COL5A1: variants seen among roughly 807,000 people sequenced by gnomAD.
COL5A1 encodes collagen type V alpha 1 chain, also known as collagen alpha-1(V) chain.
Under a neutral mutation model 263.7 loss-of-function variants are expected in COL5A1, and 16 were observed. The ratio of observed to expected loss-of-function variants is 0.06; its 90% CI spans 0.04 to 0.09. The LOEUF (loss-of-function observed/expected upper bound fraction) is 0.09, where lower values mean the gene tolerates loss of function less well. COL5A1 is among the 10% of genes least tolerant of loss of function. The pLI, the probability that COL5A1 is intolerant of heterozygous loss-of-function variation, is 1.00. For synonymous variants in COL5A1, 1,012 were observed against 1,004.5 expected, an observed-to-expected ratio of 1.01 and a Z score of -0.14; for missense variants, 2,036 against 2,540.5, an observed-to-expected ratio of 0.80 and a Z score of 4.27.
intron 31 of COL5A1, among the ~76,000 whole-genome samples, chr9:134,786,593 A>C (rs151315489): frequency 2.6e-4 from 39 of 152,246 alleles, no homozygotes; most frequent in African/African-American, 9.4e-4. Context: ...TTTGAAGGCT[A>C]TTTGCTCATA....
In COL5A1 at chr9:134,842,602, C is replaced by G; in HGVS notation, c.*299C>G. ...CGGGAGCGGGGCCATGCCTCCAGCC[C>G]CCCAGCTCGCCCGACCCATCCTGTT... On this transcript the variant is annotated 3_prime_UTR_variant, in exon 66 of 66. Coordinates refer to ENST00000371817, the MANE Select transcript of COL5A1 (RefSeq NM_000093.5). The surrounding 1 kb of genome is among the most constrained non-coding windows in gnomAD (Gnocchi z 5.8). 1.9e-6 allele frequency: 1 copy of G among 532,482 alleles called. No individual in the cohort carries two copies. Among genetic ancestry groups the G allele is most frequent in the Non-Finnish European group, 3.4e-6 (1 of 294,804 alleles). 33.0% of individuals were successfully genotyped at this position (532,482 alleles called of 1,614,324 possible). A position where few individuals can be genotyped will look rare whatever the true frequency, so the allele number is the denominator to read the frequency against.
rs556171398 is a variant in COL5A1, at chr9:134,696,535, C to A, written c.278-3374C>A. Among the ~76,000 whole-genome samples, 1 of 152,132 alleles carries A rather than the reference C, an allele frequency of 6.6e-6. No individual in the cohort carries two copies. Among genetic ancestry groups the A allele is most frequent in the South Asian group, 2.1e-4 (1 of 4,822 alleles). ...ATTTCTGTTTGTATCGTGGGAGTATCACTTTCTGAGGTCAGGGACCATATC... is the reference window on the plus strand; with the variant it reads ...ATTTCTGTTTGTATCGTGGGAGTATAACTTTCTGAGGTCAGGGACCATATC... On this transcript the variant is annotated intron_variant, in intron 2 of 65. Coordinates refer to ENST00000371817, the MANE Select transcript of COL5A1 (RefSeq NM_000093.5). The surrounding 1 kb of genome is among the most constrained non-coding windows in gnomAD (Gnocchi z 4.3).
intron 9 of COL5A1, among the ~76,000 whole-genome samples, chr9:134,735,453 A>C (rs997983656): frequency 6.9e-6 from 1 of 144,264 alleles, no homozygotes; most frequent in Non-Finnish European, 1.5e-5. Context: ...GTCAATTTTG[A>C]GAGTGGCGTC....
Position 134,756,750 on chromosome 9 carries a change from C to T in COL5A1, c.1828-15C>T. On this transcript the variant is annotated splice_polypyrimidine_tract_variant and intron_variant, in intron 16 of 65. Coordinates refer to ENST00000371817, the MANE Select transcript of COL5A1 (RefSeq NM_000093.5). Reference sequence around the variant, plus strand: ...GGGCTCTTTTGCATTGACGGTTTTGCCTCCTTTGTTCCAGGGTCGGGCTGG... The same window carrying T: ...GGGCTCTTTTGCATTGACGGTTTTGTCTCCTTTGTTCCAGGGTCGGGCTGG... The T allele has an allele frequency of 6.2e-7, 1 of 1,613,872 alleles. No homozygotes were observed. Among genetic ancestry groups the T allele is most frequent in the South Asian group, 1.1e-5 (1 of 91,072 alleles).
At chr9:134,770,559 A>G (rs562203694) in intron 25 of COL5A1, among the ~76,000 whole-genome samples, 1 of 152,366 alleles carries the variant, frequency 6.6e-6, no homozygotes, top group South Asian at 2.1e-4. Context: ...TACCATGCCA[A>G]GGGCGCATGC....
At chr9:134,776,996 C>G (rs1837077606) in intron 27 of COL5A1, among the ~76,000 whole-genome samples, 1 of 152,222 alleles carries the variant, frequency 6.6e-6, no homozygotes, top group Non-Finnish European at 1.5e-5. Flanking sequence ...AGCCCCACCT[C>G]CTAGTTCCAT....
chr9:134,802,905 G>T lies in COL5A1; in HGVS notation c.3024G>T (p.Thr1008=). 1 of 1,612,154 alleles carries T rather than the reference G, an allele frequency of 6.2e-7. No homozygotes were observed. The change falls in exon 39 of 66, where the codon ACG becomes ACT. Residue 1008 remains threonine (T), a synonymous_variant. Coordinates refer to ENST00000371817, the MANE Select transcript of COL5A1 (RefSeq NM_000093.5). ...CCCCACAGGGTCCCACGGGAGAAAC[G>T]GGCCCAATGGGTGAGCGTGGCCACC... ...VVGPQGPTGE[T]GPMGERGHPG...
chr9:134,837,446 C>T (rs1402919210), intron 65 of COL5A1, among the ~76,000 whole-genome samples: 3 of 152,060 alleles, frequency 2.0e-5, no homozygotes, highest in Non-Finnish European at 2.9e-5. Context: ...GAGGCTTCTG[C>T]TGCTTTTAAG....
intron 18 of COL5A1, among the ~76,000 whole-genome samples, chr9:134,759,789 GCACACACACCACA>G (rs1836218729): frequency 3.2e-5 from 2 of 63,476 alleles, no homozygotes; most frequent in African/African-American, 5.5e-5. Context: ...ATACACACAT[GCACACACACCACA>G]CATGCACACA....
At chr9:134,654,894 G>A (rs1221015784) in intron 1 of COL5A1, among the ~76,000 whole-genome samples, 9 of 123,482 alleles carry the variant, frequency 7.3e-5, no homozygotes, top group East Asian at 2.7e-4. Flanking sequence ...GTAGGGCTGG[G>A]GGTGTGTAGG....
At chr9:134,834,394 A>T (rs1485190738) in intron 64 of COL5A1, among the ~76,000 whole-genome samples, 2 of 152,212 alleles carry the variant, frequency 1.3e-5, no homozygotes, top group East Asian at 3.8e-4. Flanking sequence ...AGGTGGCAGA[A>T]GGGGAGAAGA....
At chr9:134,760,581 C>T (rs1386752981) in intron 18 of COL5A1, among the ~76,000 whole-genome samples, 9 of 130,508 alleles carry the variant, frequency 6.9e-5, no homozygotes, top group African/African-American at 2.6e-4. Context: ...CACCCCCACA[C>T]TCAGACACAT....
At position 134,820,203 on chromosome 9, in the gene COL5A1, T is replaced by G. The variant is rs1008518818; in HGVS notation, c.4534T>G (p.Ser1512Ala). 6.8e-6 allele frequency: 11 copies of G among 1,613,688 alleles called. No individual in the cohort carries two copies. Among genetic ancestry groups the G allele is most frequent in the African/African-American group, 4.0e-5 (3 of 74,938 alleles). The stretch of plus-strand genomic sequence containing the variant: ...TGGTCTCCCTGGCCCCCAGGGCTCC[T>G]CCGGTCCTAAGGGAGAACAGGTGCG... ...DRGLPGPQGS[S>A]GPKGEQGITG... Residue 1512 changes from serine to alanine, a missense_variant, in exon 58 of 66, where the codon TCC becomes GCC. Coordinates refer to ENST00000371817, the MANE Select transcript of COL5A1 (RefSeq NM_000093.5).
At chr9:134,792,758 C>T (rs1564461997) in intron 32 of COL5A1, among the ~76,000 whole-genome samples, 2 of 121,024 alleles carry the variant, frequency 1.7e-5, no homozygotes, top group African/African-American at 7.8e-5. Flanking sequence ...TGCATGCGTG[C>T]ATGTGTGTGT....
chr9:134,823,380 C>T, intron 60 of COL5A1, 36 bp from the exon 61 acceptor site: 4 of 1,612,830 alleles, frequency 2.5e-6, no homozygotes, highest in Non-Finnish European at 3.4e-6. Flanking sequence ...CCTCATACCT[C>T]TGTGACCAAG....
intron 11 of COL5A1, among the ~76,000 whole-genome samples, chr9:134,749,588 C>T (rs1437821090): frequency 6.6e-6 from 1 of 152,200 alleles, no homozygotes; most frequent in Non-Finnish European, 1.5e-5. Context: ...CATGGGTTTC[C>T]TGGCAGGGAG....
intron 4 of COL5A1, among the ~76,000 whole-genome samples, chr9:134,717,300 C>T (rs2132612528): frequency 6.6e-6 from 1 of 152,354 alleles, no homozygotes; most frequent in East Asian, 1.9e-4. Context: ...CTGATGATGG[C>T]ACTGTACTTG....
At chr9:134,829,835 C>T (rs112040689) in intron 63 of COL5A1, 141 bp from the exon 64 acceptor site, 38 of 897,306 alleles carry the variant, frequency 4.2e-5, no homozygotes, top group African/African-American at 3.5e-4. Flanking sequence ...TGAAGGCGCT[C>T]GGTGGGTCCT....
intron 11 of COL5A1, among the ~76,000 whole-genome samples, chr9:134,744,515 ACACCCCCATACATGCACACT>A (rs1344682338): frequency 2.0e-5 from 3 of 151,700 alleles, no homozygotes; most frequent in Non-Finnish European, 2.9e-5. Context: ...ACACTCATGC[ACACCCCCATACATGCACACT>A]CACACCCACA....
Sources: allele counts gnomAD v4.1 joint callset (sites outside exome capture counted in the v4.1 genomes callset), GRCh38; gene constraint gnomAD v4.1.1; non-coding constraint Gnocchi (gnomAD v3.1); transcripts MANE v1.5; gene names NCBI Gene and HGNC (gene_info 2026-07-23, HGNC 2026-07-21).